The following UHRF2 variants were observed in gnomAD, a reference collection of about 807,000 sequenced individuals.
UHRF2 encodes the protein ubiquitin like with PHD and ring finger domains 2, also known as E3 ubiquitin-protein ligase UHRF2.
Under a neutral mutation model 96.8 loss-of-function variants are expected in UHRF2, and 23 were observed. The ratio of observed to expected loss-of-function variants is 0.24; its 90% CI spans 0.17 to 0.34. UHRF2 has a LOEUF of 0.34. Ranked by LOEUF, UHRF2 falls within the 10% of genes least tolerant of loss-of-function variation. UHRF2 has a pLI of 1.00. For missense variants in UHRF2, 685 were observed against 981.5 expected, an observed-to-expected ratio of 0.70 and a Z score of 4.04; for synonymous variants, 385 against 332.6, an observed-to-expected ratio of 1.16 and a Z score of -1.72.
At chr9:6,485,411 C>A (rs143160669) in intron 8 of UHRF2, among the ~76,000 whole-genome samples, 21 of 151,896 alleles carry the variant, frequency 1.4e-4, no homozygotes, top group Admixed American at 8.5e-4. Context: ...GGTTGTTTTC[C>A]TGAGCATCTA....
At chr9:6,477,579 A>G (rs1019935528) in intron 5 of UHRF2, 43 bp from the exon 6 acceptor site, 2 of 1,517,320 alleles carry the variant, frequency 1.3e-6, no homozygotes, top group African/African-American at 1.4e-5. Context: ...TAGATATAAA[A>G]AATGTTTTAA....
At chr9:6,494,535 C>A (rs1824855060) in intron 10 of UHRF2, 1 of 152,256 alleles carries the variant, frequency 6.6e-6, no homozygotes, top group Middle Eastern at 3.4e-3. Flanking sequence ...CTAATGACAT[C>A]TCAGCTCCCG....
chr9:6,420,053 C>G (rs1349177068), intron 1 of UHRF2, among the ~76,000 whole-genome samples: 1 of 151,702 alleles, frequency 6.6e-6, no homozygotes, highest in Non-Finnish European at 1.5e-5. Flanking sequence ...CCAGCCTCCC[C>G]CGCCACCTTT....
At chr9:6,477,403 G>A (rs1016027152) in intron 5 of UHRF2, among the ~76,000 whole-genome samples, 1 of 151,914 alleles carries the variant, frequency 6.6e-6, no homozygotes, top group South Asian at 2.1e-4. Flanking sequence ...GCACATGCCT[G>A]TAATCCCAGC....
At chr9:6,504,991 A>G (rs1310620178) in intron 15 of UHRF2, among the ~76,000 whole-genome samples, 1 of 152,216 alleles carries the variant, frequency 6.6e-6, no homozygotes, top group Admixed American at 6.5e-5. Flanking sequence ...TGTTTTATAT[A>G]TTATAGCGCA....
At chr9:6,474,290 C>G (rs1286714159) in intron 4 of UHRF2, among the ~76,000 whole-genome samples, 2 of 152,186 alleles carry the variant, frequency 1.3e-5, no homozygotes, top group Non-Finnish European at 2.9e-5. Context: ...AAAAAGTCTT[C>G]AAGCAAGTGC....
At chr9:6,418,758 A>G (rs1007858916) in intron 1 of UHRF2, among the ~76,000 whole-genome samples, 1 of 152,176 alleles carries the variant, frequency 6.6e-6, no homozygotes, top group Non-Finnish European at 1.5e-5. Flanking sequence ...TGAACTTTAT[A>G]AAGAAACAAA....
At chr9:6,459,300 T>C (rs1822378173) in intron 3 of UHRF2, among the ~76,000 whole-genome samples, 1 of 152,346 alleles carries the variant, frequency 6.6e-6, no homozygotes, top group Admixed American at 6.5e-5. Flanking sequence ...CATGTTCTTA[T>C]AAGTACTGCA....
At chr9:6,438,556 A>G (rs886733738) in intron 3 of UHRF2, among the ~76,000 whole-genome samples, 2 of 152,182 alleles carry the variant, frequency 1.3e-5, no homozygotes, top group African/African-American at 4.8e-5. Context: ...AAACCTGTGC[A>G]CAATTGTGTC....
At chr9:6,496,659 A>G (rs117750807) in intron 10 of UHRF2, 1 of 152,268 alleles carries the variant, frequency 6.6e-6, no homozygotes, top group Non-Finnish European at 1.5e-5. Flanking sequence ...TTTAAAGAAC[A>G]TTCTCATACA....
At chr9:6,441,029 T>A (rs959781928) in intron 3 of UHRF2, among the ~76,000 whole-genome samples, 18 of 152,186 alleles carry the variant, frequency 1.2e-4, no homozygotes, top group Non-Finnish European at 2.5e-4. Flanking sequence ...CTGCCTTAGT[T>A]CATTGATTCT....
In UHRF2 at chr9:6,413,450, A is replaced by C. The variant is rs552883388; in HGVS notation, c.-41A>C. 3.5e-6 allele frequency: 5 copies of C among 1,442,788 alleles called. No individual in the cohort carries two copies. The highest frequency in any genetic ancestry group is 5.7e-5 in the East Asian group (2 of 35,072). 89.4% of individuals were successfully genotyped at this position (1,442,788 alleles called of 1,614,324 possible). A position where few individuals can be genotyped will look rare whatever the true frequency, so the allele number is the denominator to read the frequency against. ...GGGCGGGGCGCGGCGCCCAGAGCTCAGGGGGAGACAAAGGGGACCGGTTCC... is the reference window on the plus strand; with the variant it reads ...GGGCGGGGCGCGGCGCCCAGAGCTCCGGGGGAGACAAAGGGGACCGGTTCC... On this transcript the variant is annotated 5_prime_UTR_variant, in exon 1 of 16. Transcript: ENST00000276893.
rs78882563 is a variant in UHRF2 at position 6,416,994 on chromosome 9, A to T, written c.153+3351A>T. On this transcript the variant is annotated intron_variant, in intron 1 of 15. Transcript: ENST00000276893. ...CCCACTTGGTTTTCACACAGAATAT[A>T]AAAGTACTTGCCTATTTAAAGGAAT... Among the ~76,000 whole-genome samples, 18 of 152,266 alleles carry T rather than the reference A, an allele frequency of 1.2e-4. 1 individual carries two copies. In the East Asian group the frequency reaches 3.5e-3, roughly 29 times the overall value.
At chr9:6,420,875 T>C (rs1033069559) in intron 1 of UHRF2, 37 bp from the exon 2 acceptor site, 1 of 1,526,026 alleles carries the variant, frequency 6.6e-7, no homozygotes, top group Admixed American at 1.7e-5. Context: ...AGATACATTT[T>C]AGAGAAGCAT....
chr9:6,475,549 G>T (rs781453907), intron 5 of UHRF2, 49 bp downstream of exon 5: 8 of 1,135,320 alleles, frequency 7.0e-6, no homozygotes, highest in South Asian at 1.9e-5. Flanking sequence ...GTACATGATT[G>T]AACTTTATTT....
intron 6 of UHRF2, among the ~76,000 whole-genome samples, chr9:6,478,171 C>T (rs1823701082): frequency 6.6e-6 from 1 of 152,190 alleles, no homozygotes; most frequent in African/African-American, 2.4e-5. Context: ...TCTTTCATTT[C>T]CCCAAATACT....
chr9:6,451,992 A>G (rs1349106046), intron 3 of UHRF2, among the ~76,000 whole-genome samples: 1 of 152,124 alleles, frequency 6.6e-6, no homozygotes, highest in Non-Finnish European at 1.5e-5. Flanking sequence ...GCATTTGTAT[A>G]TATGCCATAT....
rs58280407 is a variant in UHRF2 at position 6,488,540 on chromosome 9, C to CTTTTTTTTTTTT, written c.1497+1628_1497+1639dup. ...CACTAATCTTTTCTCTTTTTCTTTT[C>CTTTTTTTTTTTT]TTTTTTTTTTTTTTTTTTTTTTTTG... On this transcript the variant is annotated intron_variant, in intron 9 of 15. Coordinates refer to ENST00000276893, the MANE Select transcript of UHRF2 (RefSeq NM_152896.3). Among the ~76,000 whole-genome samples, 307 of 83,798 alleles carry CTTTTTTTTTTTT rather than the reference C, an allele frequency of 3.7e-3. 1 individual carries two copies. Among genetic ancestry groups the CTTTTTTTTTTTT allele is most frequent in the African/African-American group, 4.3e-3 (90 of 20,980 alleles). The allele number at this position is 83,798 out of a possible 152,430, so 55.0% of individuals were successfully genotyped here.
chr9:6,503,926 T>C (rs187992040), intron 14 of UHRF2, among the ~76,000 whole-genome samples: 117 of 151,750 alleles, frequency 7.7e-4, no homozygotes, highest in African/African-American at 2.6e-3. Context: ...GATTTAAAAC[T>C]AATGTGTATG....
Sources: gnomAD v4.1 joint callset for allele counts (sites outside exome capture counted in the v4.1 genomes callset) on GRCh38, gnomAD v4.1.1 for gene constraint, MANE v1.5 for transcripts, NCBI Gene and HGNC (gene_info 2026-07-23, HGNC 2026-07-21) for gene names.